Variants in MYT1L observed in about 807,000 individuals in gnomAD.
MYT1L encodes the protein myelin transcription factor 1-like protein.
A neutral mutation model predicts 126.7 loss-of-function variants in MYT1L; 12 were observed. That is an observed-to-expected ratio of 0.09 (90% CI 0.06 to 0.15). The LOEUF is 0.15. Among genes scored for constraint, MYT1L ranks in the 10% least tolerant of loss-of-function variants. The pLI is 1.00. For missense variants in MYT1L, 979 were observed against 1,585.2 expected (o/e 0.62, Z 6.49); for synonymous variants, 541 against 604.2 (o/e 0.90, Z 1.53).
At chr2:1,827,668 G>A (rs1485041905) in intron 21 of MYT1L, 1 of 152,170 alleles carries the variant, frequency 6.6e-6, no homozygotes, top group Non-Finnish European at 1.5e-5. Context: ...AGAGACTTCA[G>A]TGCAGAGCAA....
chr2:1,962,889 G>A (rs1267766756), intron 8 of MYT1L, among the ~76,000 whole-genome samples: 4 of 152,150 alleles, frequency 2.6e-5, no homozygotes, highest in Non-Finnish European at 5.9e-5. Context: ...GTCCATGAGG[G>A]TTGCAATCAA....
At chr2:2,206,435 G>C (rs539221474) in intron 2 of MYT1L, among the ~76,000 whole-genome samples, 1 of 152,236 alleles carries the variant, frequency 6.6e-6, no homozygotes, top group African/African-American at 2.4e-5. Context: ...AAGAAAACTT[G>C]GGTGTTACTT....
chr2:2,160,213 G>A (rs921717457), intron 3 of MYT1L, among the ~76,000 whole-genome samples: 3 of 152,174 alleles, frequency 2.0e-5, no homozygotes, highest in Non-Finnish European at 4.4e-5. Flanking sequence ...GACGATGTAG[G>A]CTTTGCAAAC....
At chr2:2,238,703 T>G (rs949444602) in intron 2 of MYT1L, among the ~76,000 whole-genome samples, 3 of 152,218 alleles carry the variant, frequency 2.0e-5, no homozygotes, top group Non-Finnish European at 4.4e-5. Flanking sequence ...ACTAAAGCAC[T>G]CTTAGAGATC....
intron 22 of MYT1L, 142 bp downstream of exon 22, chr2:1,808,934 A>T: frequency 2.8e-6 from 2 of 721,474 alleles, no homozygotes; most frequent in Non-Finnish European, 4.7e-6. Flanking sequence ...GCTTCGCTTT[A>T]TAGATGAGAG....
At chr2:1,894,399 G>A (rs2049314236) in intron 14 of MYT1L, among the ~76,000 whole-genome samples, 1 of 152,318 alleles carries the variant, frequency 6.6e-6, no homozygotes, top group South Asian at 2.1e-4. Context: ...GCCCTGTGCA[G>A]TGCACACCTT....
chr2:2,140,344 G>C (rs960926688), intron 3 of MYT1L, among the ~76,000 whole-genome samples: 1 of 150,138 alleles, frequency 6.7e-6, no homozygotes, highest in East Asian at 1.9e-4. Flanking sequence ...TAAAAAAGCT[G>C]TTTAACAGTG....
chr2:2,069,541 T>C (rs2074329414), intron 3 of MYT1L, among the ~76,000 whole-genome samples: 1 of 152,162 alleles, frequency 6.6e-6, no homozygotes, highest in South Asian at 2.1e-4. Context: ...TAGGTGTGCA[T>C]GTGTCTTTAT....
intron 2 of MYT1L, among the ~76,000 whole-genome samples, chr2:2,179,176 T>A (rs533266804): frequency 4.4e-4 from 67 of 152,226 alleles, no homozygotes; most frequent in Non-Finnish European, 7.4e-4. Flanking sequence ...GGCTCATCCA[T>A]CCACAGAGCT....
intron 18 of MYT1L, among the ~76,000 whole-genome samples, chr2:1,861,897 ACAGCCTGTGTAATCCTGGATCCTCCTG>A: frequency 2.3e-4 from 1 of 4,368 alleles, no homozygotes; most frequent in African/African-American, 7.6e-4. Flanking sequence ...GGATCCTCCT[ACAGCCTGTGTAATCCTGGATCCTCCTG>A]CAGCCTGTGT....
chr2:1,987,726 C>T (rs1020180560), intron 5 of MYT1L, among the ~76,000 whole-genome samples: 9 of 152,130 alleles, frequency 5.9e-5, no homozygotes, highest in East Asian at 1.9e-4. Flanking sequence ...AAAGAGCAGA[C>T]GTTGAAGTCC....
intron 8 of MYT1L, among the ~76,000 whole-genome samples, chr2:1,961,960 G>A (rs1372315726): frequency 6.6e-6 from 1 of 152,292 alleles, no homozygotes; most frequent in South Asian, 2.1e-4. Flanking sequence ...AGAATAATTT[G>A]GATGTTTCTA....
At chr2:1,934,428 G>A (rs1489761867) in intron 9 of MYT1L, among the ~76,000 whole-genome samples, 1 of 151,830 alleles carries the variant, frequency 6.6e-6, no homozygotes. Context: ...GTGCTACAGT[G>A]ATTTCAATGC....
At chr2:1,964,092 AGGCCATTGTAGAGTTGTTAATT>A (rs1367490288) in intron 8 of MYT1L, among the ~76,000 whole-genome samples, 22 of 152,192 alleles carry the variant, frequency 1.4e-4, no homozygotes, top group Admixed American at 6.5e-5. Context: ...GAACACTTAG[AGGCCATTGTAGAGTTGTTAATT>A]GGCCTAATTT....
At chr2:2,298,312 A>G (rs995136653) in intron 1 of MYT1L, among the ~76,000 whole-genome samples, 3 of 152,192 alleles carry the variant, frequency 2.0e-5, no homozygotes, top group African/African-American at 7.2e-5. Flanking sequence ...AAGTACAAAA[A>G]CTTAAACAGT....
chr2:1,843,168 G>T (rs2042041468), intron 19 of MYT1L, among the ~76,000 whole-genome samples: 1 of 152,342 alleles, frequency 6.6e-6, no homozygotes, highest in Admixed American at 6.5e-5. Flanking sequence ...CTCGTTCCCA[G>T]CTGCGTGGCC....
At chr2:2,026,645 C>T (rs376340216) in intron 4 of MYT1L, among the ~76,000 whole-genome samples, 13 of 152,320 alleles carry the variant, frequency 8.5e-5, no homozygotes, top group Admixed American at 2.6e-4. Flanking sequence ...GGTCAAGGTT[C>T]GCTGCAGGAG....
chr2:2,007,312 C>T (rs1277289763), intron 4 of MYT1L, among the ~76,000 whole-genome samples: 1 of 151,742 alleles, frequency 6.6e-6, no homozygotes, highest in East Asian at 1.9e-4. Flanking sequence ...TTGTCCACAA[C>T]CTCACCAACC....
intron 4 of MYT1L, among the ~76,000 whole-genome samples, chr2:2,043,597 G>T (rs574087438): frequency 6.6e-6 from 1 of 152,088 alleles, no homozygotes; most frequent in Non-Finnish European, 1.5e-5. Flanking sequence ...AAAGAGCTGT[G>T]CCCACTGTCT....
Sources: gnomAD v4.1 joint callset for allele counts (sites outside exome capture counted in the v4.1 genomes callset) on GRCh38, gnomAD v4.1.1 for gene constraint, MANE v1.5 for transcripts, NCBI Gene and HGNC (gene_info 2026-07-23, HGNC 2026-07-21) for gene names.